Variants in CMIP observed in about 807,000 individuals in gnomAD.
CMIP encodes c-Maf inducing protein.
A neutral mutation model predicts 97.3 loss-of-function variants in CMIP; 13 were observed. The observed-to-expected ratio is 0.13, with a 90% CI of 0.09 to 0.21. CMIP has a LOEUF of 0.21. CMIP is among the 10% of genes least tolerant of loss of function. CMIP has a pLI of 1.00. For missense variants in CMIP, 847 were observed against 1,024.9 expected (o/e 0.83, Z 2.37); for synonymous variants, 538 against 436.3 (o/e 1.23, Z -2.91).
intron 1 of CMIP, chr16:81,495,520 C>A: frequency 6.2e-7 from 1 of 1,611,578 alleles, no homozygotes; most frequent in Non-Finnish European, 8.5e-7. Flanking sequence ...GGGAACGACT[C>A]TGTCCAGCTT....
intron 10 of CMIP, among the ~76,000 whole-genome samples, chr16:81,680,982 G>T (rs922360483): frequency 6.6e-6 from 1 of 152,186 alleles, no homozygotes; most frequent in African/African-American, 2.4e-5. Flanking sequence ...ATGAATGGGG[G>T]CTCTGTTCTC....
At chr16:81,478,411 G>A (rs1908060909) in intron 1 of CMIP, among the ~76,000 whole-genome samples, 1 of 152,196 alleles carries the variant, frequency 6.6e-6, no homozygotes, top group Admixed American at 6.5e-5. Context: ...ATGGAGAGGA[G>A]CAGCCTGCCG....
At chr16:81,610,522 T>TC in intron 2 of CMIP, 7 of 985,390 alleles carry the variant, frequency 7.1e-6, no homozygotes, top group Non-Finnish European at 8.4e-6. Context: ...TCCCAACCCT[T>TC]CCCCCAAGGG....
At chr16:81,523,167 G>C (rs2090061428) in intron 1 of CMIP, among the ~76,000 whole-genome samples, 1 of 152,176 alleles carries the variant, frequency 6.6e-6, no homozygotes, top group African/African-American at 2.4e-5. Context: ...TGATCCTCCT[G>C]CCTTGGCCTC....
intron 4 of CMIP, among the ~76,000 whole-genome samples, chr16:81,653,378 A>G (rs1247180810): frequency 6.6e-6 from 1 of 152,102 alleles, no homozygotes; most frequent in Admixed American, 6.6e-5. Flanking sequence ...GTGTCTGTGG[A>G]GTAGAGAAGG....
chr16:81,489,713 C>T (rs965585882), intron 1 of CMIP, among the ~76,000 whole-genome samples: 1 of 152,184 alleles, frequency 6.6e-6, no homozygotes, highest in Non-Finnish European at 1.5e-5. Context: ...ACTGCCCAGG[C>T]TCGTTCAGGG....
chr16:81,613,677 C>T (rs2091867429), intron 2 of CMIP, among the ~76,000 whole-genome samples: 1 of 152,146 alleles, frequency 6.6e-6, no homozygotes, highest in African/African-American at 2.4e-5. Context: ...TAGTCAAATA[C>T]AGTTTGGGGA....
chr16:81,710,069 G>A lies in CMIP; in HGVS notation c.*270G>A, dbSNP rs1488011157. The A allele has an allele frequency of 2.8e-6, 1 of 362,176 alleles. No individual in the cohort carries two copies. 22.4% of individuals were successfully genotyped at this position (362,176 alleles called of 1,614,324 possible). ...AACAAGAGGAGCATCAGCGGGTCGG[G>A]GAGGGGTTTGGGGGTGGGCTGGGGG... On this transcript the variant is annotated 3_prime_UTR_variant, in exon 21 of 21. Transcript: ENST00000537098.
Position 81,587,573 on chromosome 16 carries a change from C to T in CMIP, c.301-19994C>T, listed in dbSNP as rs116085471. Among the ~76,000 whole-genome samples the T allele has an allele frequency of 2.3e-3, 355 of 152,250 alleles. 1 individual carries two copies. The highest frequency in any genetic ancestry group is 8.2e-3 in the African/African-American group (339 of 41,520). On this transcript the variant is annotated intron_variant, in intron 1 of 20. Coordinates refer to ENST00000537098, the MANE Select transcript of CMIP (RefSeq NM_198390.3). ...GGGTGTTCTTCTCATTCCCATTTTA[C>T]CAATGAAAAAACCAAAGGTGCTAGA...
At chr16:81,571,102 G>C (rs1301730273) in intron 1 of CMIP, among the ~76,000 whole-genome samples, 1 of 152,194 alleles carries the variant, frequency 6.6e-6, no homozygotes, top group South Asian at 2.1e-4. Flanking sequence ...GTGGGTATGC[G>C]TATGGGAACT....
chr16:81,476,264 CA>C, intron 1 of CMIP: 1 of 1,550,008 alleles, frequency 6.5e-7, no homozygotes, highest in African/African-American at 1.4e-5. Flanking sequence ...ATGAAGTTCT[CA>C]TCTTCAAATT....
chr16:81,607,531 C>A, intron 1 of CMIP, 36 bp from the exon 2 acceptor site: 1 of 1,609,106 alleles, frequency 6.2e-7, no homozygotes, highest in Non-Finnish European at 8.5e-7. Context: ...CTACTGTAAC[C>A]AATGCATATC....
At chr16:81,597,944 A>G (rs2091590095) in intron 1 of CMIP, among the ~76,000 whole-genome samples, 1 of 151,792 alleles carries the variant, frequency 6.6e-6, no homozygotes, top group East Asian at 1.9e-4. Flanking sequence ...GGTTGCACCT[A>G]GGAGGCCTCT....
intron 10 of CMIP, among the ~76,000 whole-genome samples, chr16:81,685,853 C>T (rs1905325940): frequency 6.6e-6 from 1 of 152,150 alleles, no homozygotes; most frequent in African/African-American, 2.4e-5. Context: ...CGTGAGCCAC[C>T]ATGTGCCCAC....
At chr16:81,584,416 G>A (rs2091347012) in intron 1 of CMIP, among the ~76,000 whole-genome samples, 1 of 152,204 alleles carries the variant, frequency 6.6e-6, no homozygotes, top group South Asian at 2.1e-4. Context: ...CCAGTTTTTA[G>A]GTTGTTTGTT....
chr16:81,540,783 C>T (rs1194357195), intron 1 of CMIP, among the ~76,000 whole-genome samples: 2 of 146,718 alleles, frequency 1.4e-5, no homozygotes, highest in African/African-American at 2.5e-5. Flanking sequence ...CAGGTTCAAG[C>T]GATGCTCCTG....
intron 5 of CMIP, 85 bp downstream of exon 5, chr16:81,657,901 C>G (rs551127500): frequency 1.7e-6 from 2 of 1,167,512 alleles, no homozygotes; most frequent in Non-Finnish European, 2.4e-6. Context: ...GTAATTCTGG[C>G]GCCTGCGTAA....
At chr16:81,709,692 G>T in intron 20 of CMIP, 54 bp from the exon 21 acceptor site, 3 of 1,601,586 alleles carry the variant, frequency 1.9e-6, no homozygotes, top group Non-Finnish European at 2.6e-6. Context: ...GGCACTGGCA[G>T]CTTCTGCAAG....
chr16:81,568,838 A>G (rs878996092), intron 1 of CMIP, among the ~76,000 whole-genome samples: 6 of 152,246 alleles, frequency 3.9e-5, no homozygotes, highest in African/African-American at 1.4e-4. Context: ...GACCTGGGAA[A>G]ACGCACTTGT....
Sources: gnomAD v4.1 joint callset for allele counts (sites outside exome capture counted in the v4.1 genomes callset) on GRCh38, gnomAD v4.1.1 for gene constraint, MANE v1.5 for transcripts, NCBI Gene and HGNC (gene_info 2026-07-23, HGNC 2026-07-21) for gene names.